DLG2: variants seen among roughly 807,000 people sequenced by gnomAD.
DLG2 encodes the protein disks large homolog 2.
In DLG2, 45 loss-of-function variants were observed where a neutral mutation model predicts 132.5. That is an observed-to-expected ratio of 0.34 (90% CI 0.27 to 0.44). The LOEUF is 0.44. DLG2 is among the 20% of genes least tolerant of loss of function. DLG2 has a pLI of 1.00. For synonymous variants in DLG2, 424 were observed against 419.6 expected (o/e 1.01, Z -0.13); for missense variants, 1,045 against 1,196.9 (o/e 0.87, Z 1.87).
chr11:84,066,003 T>C (rs988258083), intron 10 of DLG2, among the ~76,000 whole-genome samples: 1 of 152,050 alleles, frequency 6.6e-6, no homozygotes, highest in African/African-American at 2.4e-5. Flanking sequence ...TTTATGTAAG[T>C]GGGAGCTAAA....
intron 7 of DLG2, among the ~76,000 whole-genome samples, chr11:84,324,870 T>C (rs897363844): frequency 6.6e-6 from 1 of 152,208 alleles, no homozygotes; most frequent in African/African-American, 2.4e-5. Flanking sequence ...ATTGATTTTG[T>C]ATCCTATAAT....
chr11:84,264,965 G>A (rs992747526), intron 7 of DLG2, among the ~76,000 whole-genome samples: 6 of 152,156 alleles, frequency 3.9e-5, no homozygotes, highest in Admixed American at 2.6e-4. Flanking sequence ...AATGAGAATC[G>A]TATGATTCCT....
chr11:84,366,454 C>T (rs1462877020), intron 7 of DLG2, among the ~76,000 whole-genome samples: 2 of 151,648 alleles, frequency 1.3e-5, no homozygotes, highest in Non-Finnish European at 1.5e-5. Context: ...ATCAAATTCA[C>T]ACATAACAAT....
chr11:83,670,246 G>A (rs554295831), intron 18 of DLG2, among the ~76,000 whole-genome samples: 4 of 152,132 alleles, frequency 2.6e-5, no homozygotes, highest in South Asian at 4.2e-4. Context: ...CTTCTTCTAC[G>A]TGTTACAAAT....
At chr11:85,503,361 C>T (rs982490935) in intron 3 of DLG2, among the ~76,000 whole-genome samples, 2 of 152,056 alleles carry the variant, frequency 1.3e-5, no homozygotes, top group African/African-American at 4.8e-5. Context: ...ACTCTTTGAT[C>T]TGAGTCACTA....
chr11:83,485,245 A>C (rs1205377771), intron 21 of DLG2, among the ~76,000 whole-genome samples: 2 of 152,180 alleles, frequency 1.3e-5, no homozygotes. Flanking sequence ...TATTCATTCA[A>C]GTGGATATCA....
intron 7 of DLG2, among the ~76,000 whole-genome samples, chr11:84,517,622 A>G (rs1453873732): frequency 6.6e-6 from 1 of 152,042 alleles, no homozygotes; most frequent in Non-Finnish European, 1.5e-5. Context: ...GAACTATATC[A>G]TATAATTCAG....
intron 6 of DLG2, among the ~76,000 whole-genome samples, chr11:84,916,253 G>A (rs1234231637): frequency 2.0e-5 from 3 of 147,098 alleles, no homozygotes; most frequent in East Asian, 2.1e-4. Context: ...GGAGGCTGAG[G>A]CAGGAGAATG....
chr11:84,369,028 T>C (rs1292220711), intron 7 of DLG2, among the ~76,000 whole-genome samples: 3 of 152,166 alleles, frequency 2.0e-5, no homozygotes, highest in Non-Finnish European at 4.4e-5. Context: ...TGGCTTTGCC[T>C]TGTTAAATCA....
chr11:85,321,881 T>C (rs2081093485), intron 3 of DLG2, among the ~76,000 whole-genome samples: 1 of 151,990 alleles, frequency 6.6e-6, no homozygotes, highest in African/African-American at 2.4e-5. Flanking sequence ...ATGCAGACAG[T>C]AAGTGTGTAT....
intron 18 of DLG2, among the ~76,000 whole-genome samples, chr11:83,714,207 AAG>A (rs2086154035): frequency 6.8e-6 from 1 of 147,144 alleles, no homozygotes; most frequent in African/African-American, 2.4e-5. Context: ...AAGATTAAGA[AAG>A]AGAGAAAAGG....
In DLG2 at chr11:84,245,953, T is replaced by C. The variant is rs1001158783; in HGVS notation, c.573+5285A>G. Among the ~76,000 whole-genome samples the C allele has an allele frequency of 3.9e-5, 6 of 152,278 alleles. No individual in the cohort carries two copies. In the East Asian group the frequency reaches 7.7e-4, roughly 20 times the overall value. ...CTTATTCTGGCCAATTGGGTGTTGGTGGATGTAAGGTGAGCAGAAGCTTTA... is the reference window on the plus strand; with the variant it reads ...CTTATTCTGGCCAATTGGGTGTTGGCGGATGTAAGGTGAGCAGAAGCTTTA... On this transcript the variant is annotated intron_variant, in intron 8 of 27. Coordinates refer to ENST00000376104, the MANE Select transcript of DLG2 (RefSeq NM_001142699.3).
At chr11:84,072,802 T>C (rs772657362) in intron 10 of DLG2, among the ~76,000 whole-genome samples, 9 of 152,192 alleles carry the variant, frequency 5.9e-5, no homozygotes, top group Non-Finnish European at 1.3e-4. Flanking sequence ...GTAGGTGGAG[T>C]TAAGGTAGAA....
chr11:83,719,236 C>G (rs1439535796), intron 18 of DLG2, among the ~76,000 whole-genome samples: 1 of 152,116 alleles, frequency 6.6e-6, no homozygotes, highest in Non-Finnish European at 1.5e-5. Flanking sequence ...GACTGAGAAG[C>G]CCATGAAGCA....
intron 19 of DLG2, chr11:83,631,919 A>C (rs926405470): frequency 3.3e-5 from 5 of 152,228 alleles, no homozygotes; most frequent in African/African-American, 1.2e-4. Context: ...GAAGAACCAC[A>C]AATGGAGCTT....
At chr11:83,818,944 T>C (rs1373009571) in intron 17 of DLG2, among the ~76,000 whole-genome samples, 7 of 152,192 alleles carry the variant, frequency 4.6e-5, no homozygotes, top group Admixed American at 2.6e-4. Context: ...TACATGTTTA[T>C]GCAAATCCAC....
intron 6 of DLG2, among the ~76,000 whole-genome samples, chr11:84,815,950 C>G (rs556882778): frequency 2.5e-4 from 38 of 152,100 alleles, no homozygotes; most frequent in Admixed American, 4.6e-4. Context: ...ATAGGGATGA[C>G]GCTGATATTG....
rs1223552216 is a variant in DLG2 at position 84,402,744 on chromosome 11, A to C, written c.519+131826T>G. On this transcript the variant is annotated intron_variant, in intron 7 of 27. Coordinates refer to ENST00000376104, the MANE Select transcript of DLG2 (RefSeq NM_001142699.3). ...AAAAATACAAGAAATTAGCCCAGTG[A>C]GGTGGCGGGCGCCTGTAGTCTCAGC... Among the ~76,000 whole-genome samples, 5 of 151,848 alleles carry C rather than the reference A, an allele frequency of 3.3e-5. No individual in the cohort carries two copies. In the East Asian group the frequency reaches 7.8e-4, roughly 24 times the overall value.
At chr11:84,865,182 C>T (rs1175561754) in intron 6 of DLG2, among the ~76,000 whole-genome samples, 3 of 152,066 alleles carry the variant, frequency 2.0e-5, no homozygotes, top group Non-Finnish European at 2.9e-5. Flanking sequence ...AGGGTAGGAC[C>T]ACTCCTGACT....
Sources: gnomAD v4.1 joint callset for allele counts (sites outside exome capture counted in the v4.1 genomes callset) on GRCh38, gnomAD v4.1.1 for gene constraint, MANE v1.5 for transcripts, NCBI Gene and HGNC (gene_info 2026-07-23, HGNC 2026-07-21) for gene names.